Variants in KIFC3 observed in about 807,000 individuals in gnomAD.
KIFC3 encodes the protein kinesin-like protein KIFC3.
In KIFC3, 60 loss-of-function variants were observed where a neutral mutation model predicts 101.8. That is an observed-to-expected ratio of 0.59 (90% CI 0.48 to 0.73). KIFC3 has a LOEUF of 0.73. KIFC3 is among the 30% of genes least tolerant of loss of function. The pLI, the probability that KIFC3 is intolerant of heterozygous loss-of-function variation, is 0.00. For synonymous variants in KIFC3, 476 were observed against 482.7 expected (o/e 0.99, Z 0.18); for missense variants, 966 against 1,137.1 (o/e 0.85, Z 2.16).
chr16:57,829,989 A>G (rs1220795364), intron 1 of KIFC3, among the ~76,000 whole-genome samples: 4 of 152,214 alleles, frequency 2.6e-5, no homozygotes, highest in South Asian at 2.1e-4. Context: ...GGGAGAGGCA[A>G]GAGAAGATGA....
At chr16:57,764,277 G>T in intron 11 of KIFC3, 30 bp from the exon 12 acceptor site, 4 of 1,288,830 alleles carry the variant, frequency 3.1e-6, no homozygotes, top group South Asian at 2.5e-5. Flanking sequence ...GAGGCTGGTG[G>T]GGGGGCTTCC....
At chr16:57,800,758 G>C (rs1555625307) in intron 1 of KIFC3, among the ~76,000 whole-genome samples, 1 of 152,204 alleles carries the variant, frequency 6.6e-6, no homozygotes, top group African/African-American at 2.4e-5. Context: ...AGCAGCCTCA[G>C]GGGTGTGAAG....
At position 57,797,255 on chromosome 16, in the gene KIFC3, AC is replaced by A. The variant is rs2054401566; in HGVS notation, c.172+816del. On this transcript the variant is annotated intron_variant, in intron 2 of 19. Coordinates refer to ENST00000445690, the MANE Select transcript of KIFC3 (RefSeq NM_001130100.2). The stretch of plus-strand genomic sequence containing the variant: ...TAGCTCTCACAGGCTGGCAGTCTAG[AC>A]CCTGTTCCTGTAGGTCACGAGGGAC... 2.0e-5 allele frequency among the ~76,000 whole-genome samples: 3 copies of A among 152,078 alleles called. No individual in the cohort carries two copies. In the South Asian group the frequency reaches 6.2e-4, roughly 32 times the overall value.
chr16:57,765,354 A>ACCC, intron 11 of KIFC3, 105 bp downstream of exon 11: 1 of 1,130,908 alleles, frequency 8.8e-7, no homozygotes, highest in South Asian at 1.6e-5. Flanking sequence ...TGATTCCTGC[A>ACCC]CCCCCCACTC....
chr16:57,788,161 G>C (rs2053520227), intron 3 of KIFC3, among the ~76,000 whole-genome samples: 1 of 152,224 alleles, frequency 6.6e-6, no homozygotes, highest in Non-Finnish European at 1.5e-5. Flanking sequence ...TCCTGTCCTA[G>C]GAGCCTCCAG....
intron 1 of KIFC3, among the ~76,000 whole-genome samples, chr16:57,837,404 G>GT (rs1555480548): frequency 6.6e-6 from 1 of 151,650 alleles, no homozygotes; most frequent in Admixed American, 6.6e-5. Flanking sequence ...GAAGGCAGAG[G>GT]TTGCAGTGAG....
In KIFC3 at chr16:57,772,309, G is replaced by A. The variant is rs548914102; in HGVS notation, c.316-21C>T. 1.1e-4 allele frequency: 177 copies of A among 1,610,626 alleles called. 5 individuals are homozygous for A. In the South Asian group the frequency reaches 1.6e-3, roughly 15 times the overall value. On this transcript the variant is annotated intron_variant, in intron 3 of 19. Transcript: ENST00000445690. ...TCTACCTGTGGGCACAGAGTCAGGA[G>A]CAAGGTGAGCCTCAGTCCTCAGCTC...
intron 14 of KIFC3, 79 bp downstream of exon 14, chr16:57,761,334 A>G (rs1234059431): frequency 2.5e-6 from 4 of 1,596,360 alleles, no homozygotes; most frequent in African/African-American, 1.3e-5. Context: ...CGTGCTTAGG[A>G]CACAGCAGAG....
At chr16:57,813,464 C>T (rs1050715982) in intron 1 of KIFC3, among the ~76,000 whole-genome samples, 5 of 152,104 alleles carry the variant, frequency 3.3e-5, no homozygotes, top group African/African-American at 7.2e-5. Context: ...ACTGCCCCCA[C>T]GCTACTCCAC....
intron 3 of KIFC3, chr16:57,775,263 C>T: frequency 7.7e-7 from 1 of 1,295,790 alleles, no homozygotes; most frequent in Non-Finnish European, 9.8e-7. Flanking sequence ...CTCTAAAGGC[C>T]CCTTTGTTCA....
At chr16:57,837,579 A>AAGAAAGAAAGAAAGAAAGAAAGAAAGAG (rs1567332638) in intron 1 of KIFC3, among the ~76,000 whole-genome samples, 1 of 151,504 alleles carries the variant, frequency 6.6e-6, no homozygotes, top group African/African-American at 2.4e-5. Context: ...GAAAGAAAGA[A>AAGAAAGAAAGAAAGAAAGAAAGAAAGAG]AGAGTAGCAG....
intron 1 of KIFC3, among the ~76,000 whole-genome samples, chr16:57,847,531 G>A (rs1012547646): frequency 3.1e-4 from 47 of 152,116 alleles, no homozygotes; most frequent in African/African-American, 1.0e-3. Flanking sequence ...TGTTAGGAGT[G>A]TTCCATGGAT....
At chr16:57,791,581 A>G (rs1341311927) in intron 3 of KIFC3, among the ~76,000 whole-genome samples, 1 of 152,204 alleles carries the variant, frequency 6.6e-6, no homozygotes, top group East Asian at 1.9e-4. Flanking sequence ...CACCTACCGC[A>G]TAATGGAGCT....
At chr16:57,804,338 A>ACAC (rs2054883527), upstream of KIFC3, among the ~76,000 whole-genome samples, 1 of 152,200 alleles carries the variant, frequency 6.6e-6, no homozygotes, top group African/African-American at 2.4e-5. Context: ...CACCCTATGA[A>ACAC]CACCAGTACT....
intron 1 of KIFC3, among the ~76,000 whole-genome samples, chr16:57,825,981 G>A (rs2055449654): frequency 6.6e-6 from 1 of 152,204 alleles, no homozygotes; most frequent in Admixed American, 6.5e-5. Flanking sequence ...CATTGCACCT[G>A]GCTTGTTTTC....
At chr16:57,795,862 TTC>T (rs1252291100) in intron 2 of KIFC3, among the ~76,000 whole-genome samples, 2 of 151,092 alleles carry the variant, frequency 1.3e-5, no homozygotes, top group Non-Finnish European at 2.9e-5. Flanking sequence ...CTTACACACA[TTC>T]TGTTTTTTTG....
At chr16:57,803,165 C>G, upstream of KIFC3, 1 of 846,336 alleles carries the variant, frequency 1.2e-6, no homozygotes, top group Non-Finnish European at 1.9e-6. Context: ...TGCCTGGAGT[C>G]CCTTAAGGTA....
At chr16:57,760,252 C>T (rs1555594734) in intron 17 of KIFC3, 30 bp downstream of exon 17, 4 of 1,595,552 alleles carry the variant, frequency 2.5e-6, no homozygotes, top group Admixed American at 1.7e-5. Flanking sequence ...CCCAGGGCCA[C>T]CTGAGCCAGG....
chr16:57,857,822 C>CTT (rs57102595), intron 1 of KIFC3, among the ~76,000 whole-genome samples: 7 of 92,774 alleles, frequency 7.5e-5, no homozygotes, highest in African/African-American at 2.2e-4. Flanking sequence ...TTCTTTCTTT[C>CTT]TTTTTTTTTT....
Sources: allele counts gnomAD v4.1 joint callset (sites outside exome capture counted in the v4.1 genomes callset), GRCh38; gene constraint gnomAD v4.1.1; transcripts MANE v1.5; gene names NCBI Gene and HGNC (gene_info 2026-07-23, HGNC 2026-07-21).